Variants in SERF2 observed in about 807,000 individuals in gnomAD.
SERF2 encodes gastric cancer-related protein VRG107.
In SERF2, 4 loss-of-function variants were observed where a neutral mutation model predicts 10.7. The ratio of observed to expected loss-of-function variants is 0.37; its 90% CI spans 0.18 to 0.86. The LOEUF is 0.86. SERF2 is among the 40% of genes least tolerant of loss of function. The pLI is 0.43. For missense variants in SERF2, 47 were observed against 79.1 expected, an observed-to-expected ratio of 0.59 and a Z score of 1.54; for synonymous variants, 26 against 26.0, an observed-to-expected ratio of 1.00 and a Z score of 0.01.
intron 2 of SERF2, 48 bp downstream of exon 2, chr15:43,793,131 AC>A: frequency 1.6e-6 from 2 of 1,235,812 alleles, no homozygotes; most frequent in Non-Finnish European, 1.2e-6. Flanking sequence ...CCTGGGTTAG[AC>A]CAAGGGTTAT....
chr15:43,792,907 G>C (rs1454666904), intron 1 of SERF2, 68 bp from the exon 2 acceptor site: 1 of 1,152,404 alleles, frequency 8.7e-7, no homozygotes, highest in East Asian at 2.6e-5. Flanking sequence ...GGCCGCGCTG[G>C]GGTAGAAGGG....
chr15:43,795,276 C>T lies in SERF2; in HGVS notation c.*1503C>T. 1.3e-6 allele frequency: 2 copies of T among 1,592,890 alleles called. No homozygotes were observed. The highest frequency in any genetic ancestry group is 1.7e-6 in the Non-Finnish European group (2 of 1,161,524). ...GCCTTAGCTTTTAGACCTGTTCTAC[C>T]TCCTCACCAAATATAATGGCAGACC... On this transcript the variant is annotated 3_prime_UTR_variant, in exon 3 of 3. Transcript: ENST00000249786.
chr15:43,785,710 T>TC (rs2087001204), intron 2 of SERF2, among the ~76,000 whole-genome samples: 1 of 148,988 alleles, frequency 6.7e-6, no homozygotes, highest in Non-Finnish European at 1.5e-5. Context: ...TTTTCTTTTT[T>TC]TTTTTTTTTT....
At position 43,780,040 on chromosome 15, in the gene SERF2, G is replaced by A. The variant is rs184712087; in HGVS notation, c.-527+2538G>A. 2.2e-4 allele frequency among the ~76,000 whole-genome samples: 34 copies of A among 152,172 alleles called. No individual in the cohort carries two copies. The East Asian group carries it at 6.4e-3, about 28-fold the overall frequency. ...ATCTTTAATACATTGATAAAAATCA[G>A]TTACATCATAAACATTTTAATATTT... On this transcript the variant is annotated intron_variant, in intron 1 of 4. Transcript: ENST00000381359.
At chr15:43,786,122 A>C (rs2087004563) in intron 2 of SERF2, among the ~76,000 whole-genome samples, 1 of 151,778 alleles carries the variant, frequency 6.6e-6, no homozygotes. Flanking sequence ...AGGCACTAAA[A>C]AGCTGGTTGA....
intron 2 of SERF2, among the ~76,000 whole-genome samples, chr15:43,786,419 A>G (rs1049122733): frequency 2.0e-5 from 3 of 151,512 alleles, no homozygotes; most frequent in Non-Finnish European, 1.5e-5. Flanking sequence ...TGTCTCAAAA[A>G]AAAAAAAAAA....
exon 1 of SERF2, chr15:43,777,330 C>A: frequency 2.9e-6 from 1 of 341,760 alleles, no homozygotes; most frequent in Non-Finnish European, 5.9e-6. Context: ...CGCAGAGGGG[C>A]GGGAGAAAGG....
intron 2 of SERF2, chr15:43,793,506 C>T: frequency 1.4e-6 from 2 of 1,439,242 alleles, no homozygotes; most frequent in Middle Eastern, 1.8e-4. Flanking sequence ...GACTTCTGAC[C>T]CCTTGGGCAA....
chr15:43,792,434 A>C (rs374086226), intron 1 of SERF2, 51 bp downstream of exon 1: 18 of 1,613,188 alleles, frequency 1.1e-5, no homozygotes, highest in Non-Finnish European at 1.4e-5. Context: ...TTCACCCTAA[A>C]CACCACCGGC....
chr15:43,783,918 C>T lies in SERF2; in HGVS notation c.-526-1492C>T, dbSNP rs544326479. On this transcript the variant is annotated intron_variant, in intron 1 of 4. Coordinates refer to the SERF2 transcript ENST00000381359. ...CTGGGACTACAAGCGGGTGCCACCA[C>T]GCCCAGCTATTTTTTTTTTTTTTTT... Among the ~76,000 whole-genome samples, 36 of 147,028 alleles carry T rather than the reference C, an allele frequency of 2.4e-4. No homozygotes were observed. The South Asian group carries it at 3.3e-3, about 13-fold the overall frequency.
In SERF2 at chr15:43,794,163, A is replaced by G. The variant is rs1025725481; in HGVS notation, c.*390A>G. The G allele has an allele frequency of 3.5e-6, 2 of 570,026 alleles. No individual in the cohort carries two copies. Among genetic ancestry groups the G allele is most frequent in the Admixed American group, 6.7e-5 (2 of 29,760 alleles). The allele number at this position is 570,026 out of a possible 1,614,324, so 35.3% of individuals were successfully genotyped here. Reference sequence around the variant, plus strand: ...CAGATTGTGGGTATGTAGACTTAATAAGTGAAACATCACAGAAGAAGCCTT... The same window carrying G: ...CAGATTGTGGGTATGTAGACTTAATGAGTGAAACATCACAGAAGAAGCCTT... On this transcript the variant is annotated 3_prime_UTR_variant, in exon 3 of 3. Transcript: ENST00000249786.
intron 1 of SERF2, among the ~76,000 whole-genome samples, chr15:43,783,086 C>A (rs1486676684): frequency 6.6e-6 from 1 of 150,572 alleles, no homozygotes; most frequent in African/African-American, 2.5e-5. Context: ...CAGCTCACTG[C>A]AATCTCCACC....
At chr15:43,790,673 G>A (rs2087048488), upstream of SERF2, among the ~76,000 whole-genome samples, 1 of 152,084 alleles carries the variant, frequency 6.6e-6, no homozygotes, top group African/African-American at 2.4e-5. Context: ...GGAGGCTGAG[G>A]TGGGAGAATA....
intron 1 of SERF2, chr15:43,792,674 C>T (rs1308198032): frequency 1.5e-6 from 2 of 1,300,184 alleles, no homozygotes; most frequent in Non-Finnish European, 1.0e-6. Flanking sequence ...GCCAGCCCAT[C>T]CCCCACGGAG....
exon 1 of SERF2, chr15:43,777,434 C>A (rs1370024724): frequency 1.8e-5 from 4 of 218,552 alleles, no homozygotes; most frequent in South Asian, 1.5e-4. Flanking sequence ...CGAAGGGGCA[C>A]CCGAGACAGC....
At chr15:43,781,665 C>A (rs1365912423) in intron 1 of SERF2, among the ~76,000 whole-genome samples, 1 of 149,740 alleles carries the variant, frequency 6.7e-6, no homozygotes, top group Admixed American at 6.7e-5. Context: ...AATCCCGGCT[C>A]ACTGAAACCT....
intron 2 of SERF2, chr15:43,793,495 A>G: frequency 7.2e-7 from 1 of 1,391,614 alleles, no homozygotes; most frequent in Non-Finnish European, 9.6e-7. Flanking sequence ...CTGTGTCACC[A>G]GACTTCTGAC....
rs774105823 is a variant in SERF2, at chr15:43,792,969, C to A, written c.8-6C>A. On this transcript the variant is annotated splice_region_variant and splice_polypyrimidine_tract_variant and intron_variant, in intron 1 of 2. Transcript: ENST00000249786. ...CCGCGTCTCACCTTTAATTTTCTTT[C>A]CTTAGGCGGTAACCAGCGTGAGCTC... 1 of 1,598,762 alleles carries A rather than the reference C, an allele frequency of 6.3e-7. No homozygotes were observed. The highest frequency in any genetic ancestry group is 8.5e-7 in the Non-Finnish European group (1 of 1,169,946).
chr15:43,792,010 T>G, upstream of SERF2: 1 of 399,294 alleles, frequency 2.5e-6, no homozygotes, highest in Middle Eastern at 7.8e-4. Context: ...TGTCCCCGCA[T>G]GAGGTCACTC....
Sources: gnomAD v4.1 joint callset for allele counts (sites outside exome capture counted in the v4.1 genomes callset) on GRCh38, gnomAD v4.1.1 for gene constraint, MANE v1.5 for transcripts, NCBI Gene and HGNC (gene_info 2026-07-23, HGNC 2026-07-21) for gene names.